The following CELF2 variants were observed in gnomAD, a reference collection of about 807,000 sequenced individuals.
The protein encoded by CELF2 is CUGBP Elav-like family member 2.
CELF2 carries 8 observed loss-of-function variants against 62.6 expected under a neutral mutation model. That is an observed-to-expected ratio of 0.13 (90% CI 0.07 to 0.23). CELF2 has a LOEUF of 0.23. Ranked by LOEUF, CELF2 falls within the 10% of genes least tolerant of loss-of-function variation. The pLI is 1.00. For synonymous variants in CELF2, 258 were observed against 250.0 expected, an observed-to-expected ratio of 1.03 and a Z score of -0.30; for missense variants, 333 against 671.0, an observed-to-expected ratio of 0.50 and a Z score of 5.56.
At chr10:10,522,594 T>C in the CELF2 span, among the ~76,000 whole-genome samples, 1 of 151,986 alleles carries the variant, frequency 6.6e-6, no homozygotes, top group Admixed American at 6.6e-5. Flanking sequence ...GAGATGGAGT[T>C]TTGCTGCTCT....
chr10:10,694,252 C>T, the CELF2 span, among the ~76,000 whole-genome samples: 1 of 152,002 alleles, frequency 6.6e-6, no homozygotes, highest in Non-Finnish European at 1.5e-5. Flanking sequence ...TTTATTTCTG[C>T]CTTCATTTCG....
chr10:11,182,204 C>T (rs144505615), intron 2 of CELF2, among the ~76,000 whole-genome samples: 28 of 152,368 alleles, frequency 1.8e-4, no homozygotes, highest in African/African-American at 6.3e-4. Context: ...AAGAACCACA[C>T]TGCAGTTCTC....
rs1345280650 is a variant in CELF2, at chr10:11,217,814, A to T, written c.354+307A>T. On this transcript the variant is annotated intron_variant, in intron 3 of 12. Coordinates refer to ENST00000633077, the MANE Select transcript of CELF2 (RefSeq NM_001326342.2). The surrounding 1 kb of genome is among the most constrained non-coding windows in gnomAD (Gnocchi z 5.6). ...GGCTAAGATTTTAAAAGGAAAAAAA[A>T]ACCCAACACACACAAGAGAAGCAAA... Among the ~76,000 whole-genome samples, 1 of 152,216 alleles carries T rather than the reference A, an allele frequency of 6.6e-6. No individual in the cohort carries two copies. The highest frequency in any genetic ancestry group is 1.5e-5 in the Non-Finnish European group (1 of 68,030).
At chr10:11,282,760 G>T (rs1190818636) in intron 8 of CELF2, among the ~76,000 whole-genome samples, 1 of 152,204 alleles carries the variant, frequency 6.6e-6, no homozygotes, top group Non-Finnish European at 1.5e-5. Context: ...AGTAAGTGAG[G>T]CAGAGCCAGC....
chr10:11,137,858 A>C (rs1207098887), intron 1 of CELF2, among the ~76,000 whole-genome samples: 1 of 152,220 alleles, frequency 6.6e-6, no homozygotes, highest in Non-Finnish European at 1.5e-5. Flanking sequence ...TAGAATTTGG[A>C]GCCAAGCTTC....
the CELF2 span, among the ~76,000 whole-genome samples, chr10:10,549,140 G>T: frequency 6.6e-6 from 1 of 152,180 alleles, no homozygotes; most frequent in Non-Finnish European, 1.5e-5. Context: ...AGCTAGAGAA[G>T]ATGTCTTTGT....
At chr10:10,517,104 A>G in the CELF2 span, among the ~76,000 whole-genome samples, 3 of 152,174 alleles carry the variant, frequency 2.0e-5, no homozygotes, top group Admixed American at 2.0e-4. Flanking sequence ...GCAACATAAT[A>G]TCTAATATTT....
At chr10:10,738,258 T>C in the CELF2 span, among the ~76,000 whole-genome samples, 1 of 152,264 alleles carries the variant, frequency 6.6e-6, no homozygotes, top group Non-Finnish European at 1.5e-5. Context: ...ACCCTTTAGA[T>C]GTTTAACATA....
At chr10:10,939,939 G>A (rs537416376) in intron 2 of CELF2, among the ~76,000 whole-genome samples, 1 of 152,248 alleles carries the variant, frequency 6.6e-6, no homozygotes, top group East Asian at 1.9e-4. Context: ...GGGTGACAGA[G>A]CGAGGCTCCA....
At chr10:10,716,155 G>A in the CELF2 span, among the ~76,000 whole-genome samples, 2 of 152,214 alleles carry the variant, frequency 1.3e-5, no homozygotes, top group Admixed American at 6.5e-5. Flanking sequence ...GCAATTGAGA[G>A]CCATTTTGAT....
chr10:10,731,388 C>T, the CELF2 span, among the ~76,000 whole-genome samples: 2 of 152,170 alleles, frequency 1.3e-5, no homozygotes, highest in Admixed American at 1.3e-4. Context: ...CTTGAATTTC[C>T]ATGTCTAATA....
intron 2 of CELF2, among the ~76,000 whole-genome samples, chr10:11,181,431 A>G (rs901013257): frequency 2.6e-5 from 4 of 152,224 alleles, no homozygotes; most frequent in Admixed American, 6.5e-5. Context: ...GTTCAAGTAC[A>G]CTGAATTATT....
chr10:10,958,822 T>C (rs960982304), intron 2 of CELF2, among the ~76,000 whole-genome samples: 2 of 151,798 alleles, frequency 1.3e-5, no homozygotes, highest in Non-Finnish European at 2.9e-5. Context: ...CCAGCCTCGG[T>C]AACACAGCGA....
Position 11,315,806 on chromosome 10 carries a change from G to C in CELF2, c.1096+1548G>C, listed in dbSNP as rs1266998167. Among the ~76,000 whole-genome samples, 1 of 152,176 alleles carries C rather than the reference G, an allele frequency of 6.6e-6. No individual in the cohort carries two copies. The highest frequency in any genetic ancestry group is 1.5e-5 in the Non-Finnish European group (1 of 68,032). ...ACCCCCATTTCCGGTACAGCTCCTC[G>C]CTCTGACCTTGTCCTTCACCTAGGT... is the stretch of plus-strand genomic sequence containing the variant. On this transcript the variant is annotated intron_variant, in intron 10 of 12. Transcript: ENST00000633077. This position sits in a 1 kb window ranked among gnomAD's most constrained non-coding sequence, Gnocchi z 5.8.
intron 3 of CELF2, among the ~76,000 whole-genome samples, chr10:11,236,476 T>C (rs2071347997): frequency 1.3e-5 from 2 of 152,228 alleles, no homozygotes; most frequent in African/African-American, 4.8e-5. Context: ...AGGGTAGTGT[T>C]GTTTTAAGTC....
intron 1 of CELF2, among the ~76,000 whole-genome samples, chr10:11,123,473 C>T (rs967510908): frequency 6.6e-6 from 1 of 152,124 alleles, no homozygotes; most frequent in Admixed American, 6.5e-5. Context: ...TGGTCTCAAA[C>T]TCCTGGGCTC....
intron 1 of CELF2, among the ~76,000 whole-genome samples, chr10:11,036,896 CAT>C (rs1427841313): frequency 6.6e-6 from 1 of 152,188 alleles, no homozygotes; most frequent in Non-Finnish European, 1.5e-5. Context: ...GCCTATGTGA[CAT>C]GTGATGCTTT....
chr10:10,769,425 A>G, the CELF2 span, among the ~76,000 whole-genome samples: 1 of 152,148 alleles, frequency 6.6e-6, no homozygotes, highest in African/African-American at 2.4e-5. Context: ...GTGAGAGGTT[A>G]GTGACTGGTA....
chr10:10,937,501 C>T (rs1160598434), intron 2 of CELF2: 1 of 152,168 alleles, frequency 6.6e-6, no homozygotes, highest in African/African-American at 2.4e-5. Context: ...ATTTTGGAAA[C>T]TGGTACTGCA....
Sources: gnomAD v4.1 joint callset for allele counts (sites outside exome capture counted in the v4.1 genomes callset) on GRCh38, gnomAD v4.1.1 for gene constraint, Gnocchi (gnomAD v3.1) non-coding constraint, MANE v1.5 for transcripts, NCBI Gene and HGNC (gene_info 2026-07-23, HGNC 2026-07-21) for gene names.